Variants in PCLO observed in about 807,000 individuals in gnomAD.
The protein encoded by PCLO is protein piccolo.
Under a neutral mutation model 427.5 loss-of-function variants are expected in PCLO, and 82 were observed. The ratio of observed to expected loss-of-function variants is 0.19; its 90% CI spans 0.16 to 0.23. PCLO has a LOEUF of 0.23. Ranked by LOEUF, PCLO falls within the 10% of genes least tolerant of loss-of-function variation. PCLO has a pLI of 1.00. For synonymous variants in PCLO, 2,357 were observed against 2,155.4 expected (o/e 1.09, Z -2.59); for missense variants, 6,239 against 6,115.9 (o/e 1.02, Z -0.67).
rs201835825 is a variant in PCLO at position 82,915,629 on chromosome 7, G to A, written c.12357C>T (p.Tyr4119=). ...TCTGATGTTTCAGAAGCTTTAACTCGTAAGGATCCTCCATTGGGTCTTCCT... is the reference window on the plus strand; with the variant it reads ...TCTGATGTTTCAGAAGCTTTAACTCATAAGGATCCTCCATTGGGTCTTCCT... ...KAEEDPMEDP[Y]ELKLLKHQIK... Residue 4119 remains tyrosine (Y), a synonymous_variant, in exon 7 of 25, where the codon TAC becomes TAT. Coordinates refer to ENST00000333891, the MANE Select transcript of PCLO (RefSeq NM_033026.6). The A allele has an allele frequency of 1.1e-3, 1,782 of 1,613,438 alleles. 2 individuals carry two copies. The highest frequency in any genetic ancestry group is 1.3e-3 in the Non-Finnish European group (1,566 of 1,179,644).
At chr7:82,908,824 G>C in intron 8 of PCLO, 53 bp downstream of exon 8, 1 of 1,469,892 alleles carries the variant, frequency 6.8e-7, no homozygotes, top group South Asian at 1.2e-5. Context: ...TTCTAGGGTA[G>C]ACTTGAGTCT....
At chr7:82,999,172 AC>A (rs1343956101) in intron 3 of PCLO, among the ~76,000 whole-genome samples, 5 of 146,786 alleles carry the variant, frequency 3.4e-5, no homozygotes, top group Non-Finnish European at 7.5e-5. Context: ...AAAAAAAAAA[AC>A]AACAGAATAG....
chr7:82,836,622 A>C (rs1290381523), intron 15 of PCLO, among the ~76,000 whole-genome samples: 1 of 152,166 alleles, frequency 6.6e-6, no homozygotes, highest in African/African-American at 2.4e-5. Context: ...AGAAGGATGA[A>C]ATTAAAAGCT....
chr7:83,020,303 TTGA>T (rs1788310492), intron 3 of PCLO, among the ~76,000 whole-genome samples: 1 of 152,112 alleles, frequency 6.6e-6, no homozygotes, highest in Admixed American at 6.6e-5. Context: ...TTGCTGACAC[TTGA>T]TGAAGCTTAA....
At chr7:82,879,507 G>C in intron 9 of PCLO, 45 bp from the exon 10 acceptor site, 1 of 1,420,006 alleles carries the variant, frequency 7.0e-7, no homozygotes. Context: ...TTTAAGAAGG[G>C]ACAATAGTTA....
chr7:83,092,951 A>AAAG (rs1329708030), intron 3 of PCLO, among the ~76,000 whole-genome samples: 1 of 151,358 alleles, frequency 6.6e-6, no homozygotes, highest in Non-Finnish European at 1.5e-5. Flanking sequence ...TGTCTCAAAA[A>AAAG]AAAAAAAAAA....
intron 6 of PCLO, among the ~76,000 whole-genome samples, chr7:82,923,257 T>C (rs1309473133): frequency 6.6e-6 from 1 of 151,982 alleles, no homozygotes; most frequent in Non-Finnish European, 1.5e-5. Context: ...ATAAGAAACT[T>C]AATTTTTTGA....
intron 2 of PCLO, among the ~76,000 whole-genome samples, chr7:83,143,221 A>G (rs1436176788): frequency 1.3e-5 from 2 of 151,980 alleles, no homozygotes; most frequent in Non-Finnish European, 2.9e-5. Flanking sequence ...GTGCTACTCA[A>G]GGACTACTCA....
Position 82,955,932 on chromosome 7 carries a change from C to T in PCLO, c.5021G>A (p.Ser1674Asn), listed in dbSNP as rs372539266. The T allele has an allele frequency of 2.2e-5, 35 of 1,613,796 alleles. No individual in the cohort carries two copies. Among genetic ancestry groups the T allele is most frequent in the Non-Finnish European group, 3.0e-5 (35 of 1,179,878 alleles). Residue 1674 changes from serine (S) to asparagine (N), a missense_variant, in exon 5 of 25, where the codon AGT becomes AAT. This residue lies in a region of PCLO where 4,677 missense variants were observed against 4,468.4 expected (regional missense o/e 1.05). Coordinates refer to ENST00000333891, the MANE Select transcript of PCLO (RefSeq NM_033026.6). ...TGCAGAATATTTATCTGCTATTGTA[C>T]TGTTGAGCTCAATTGTTTTAAATCG... ...LRRFKTIELN[S>N]TIADKYSAES...
At chr7:83,031,981 T>C (rs1788681221) in intron 3 of PCLO, among the ~76,000 whole-genome samples, 1 of 152,140 alleles carries the variant, frequency 6.6e-6, no homozygotes, top group Admixed American at 6.5e-5. Context: ...TGCATTTGAT[T>C]AGCTACTTTC....
At chr7:82,960,054 T>C (rs757394369) in intron 4 of PCLO, among the ~76,000 whole-genome samples, 8 of 152,168 alleles carry the variant, frequency 5.3e-5, no homozygotes, top group Non-Finnish European at 1.2e-4. Flanking sequence ...CACAAAAGCC[T>C]TCCATATTGA....
intron 22 of PCLO, among the ~76,000 whole-genome samples, chr7:82,771,286 C>T (rs6952673): frequency 0.064 from 9,671 of 151,730 alleles, 721 homozygotes; most frequent in African/African-American, 0.18. Context: ...TTCACTAACA[C>T]GTACTATGAT....
intron 3 of PCLO, among the ~76,000 whole-genome samples, chr7:83,066,762 G>A (rs1240376466): frequency 2.0e-5 from 3 of 152,092 alleles, no homozygotes; most frequent in Non-Finnish European, 4.4e-5. Context: ...TCTGAGGAAT[G>A]TTCAATGGGG....
chr7:83,124,770 T>G (rs1791384775), intron 3 of PCLO, among the ~76,000 whole-genome samples: 2 of 152,042 alleles, frequency 1.3e-5, no homozygotes, highest in African/African-American at 4.8e-5. Context: ...CTCTCCCTCG[T>G]CTCCCTCTCC....
intron 3 of PCLO, among the ~76,000 whole-genome samples, chr7:83,128,678 TATC>T (rs1200370978): frequency 6.6e-6 from 1 of 152,148 alleles, no homozygotes; most frequent in Non-Finnish European, 1.5e-5. Flanking sequence ...CTGAGATAGT[TATC>T]ATTTTCATGG....
At chr7:82,834,680 A>G (rs1255702220) in intron 16 of PCLO, among the ~76,000 whole-genome samples, 1 of 152,218 alleles carries the variant, frequency 6.6e-6, no homozygotes, top group Admixed American at 6.5e-5. Context: ...TAATGCAATG[A>G]GAGATGTGCA....
intron 3 of PCLO, among the ~76,000 whole-genome samples, chr7:83,104,645 T>C (rs938710301): frequency 2.0e-5 from 3 of 152,090 alleles, no homozygotes; most frequent in Non-Finnish European, 4.4e-5. Flanking sequence ...TTAAAATATA[T>C]CTATATTTTT....
chr7:83,022,539 C>A (rs1788371188), intron 3 of PCLO, among the ~76,000 whole-genome samples: 1 of 152,106 alleles, frequency 6.6e-6, no homozygotes, highest in Non-Finnish European at 1.5e-5. Context: ...GAATCACCAC[C>A]TAATATTGTT....
intron 3 of PCLO, among the ~76,000 whole-genome samples, chr7:83,013,355 A>G (rs1249240544): frequency 1.3e-5 from 2 of 152,172 alleles, no homozygotes; most frequent in Non-Finnish European, 2.9e-5. Context: ...TACCTTATGA[A>G]TTATATATGC....
Sources: gnomAD v4.1 joint callset for allele counts (sites outside exome capture counted in the v4.1 genomes callset) on GRCh38, gnomAD v4.1.1 for gene constraint, gnomAD v4.1.1 regional missense constraint, MANE v1.5 for transcripts, NCBI Gene and HGNC (gene_info 2026-07-23, HGNC 2026-07-21) for gene names.